The following RAD50 variants were observed in gnomAD, a reference collection of about 807,000 sequenced individuals.
RAD50 encodes the protein DNA repair protein RAD50.
RAD50 carries 132 observed loss-of-function variants against 168.8 expected under a neutral mutation model. The observed-to-expected ratio is 0.78, with a 90% CI of 0.68 to 0.90. RAD50 has a LOEUF of 0.90. Ranked by LOEUF, RAD50 falls within the 40% of genes least tolerant of loss-of-function variation. RAD50 has a pLI of 0.00. For synonymous variants in RAD50, 525 were observed against 497.4 expected, an observed-to-expected ratio of 1.06 and a Z score of -0.74; for missense variants, 1,347 against 1,534.4, an observed-to-expected ratio of 0.88 and a Z score of 2.04.
intron 5 of RAD50, among the ~76,000 whole-genome samples, chr5:132,583,475 T>C (rs960437172): frequency 2.6e-5 from 4 of 152,146 alleles, no homozygotes; most frequent in African/African-American, 7.2e-5. Flanking sequence ...ATCACTAAAA[T>C]GAAGATGTAG....
At chr5:132,578,380 A>G (rs1750437009) in intron 3 of RAD50, among the ~76,000 whole-genome samples, 1 of 152,052 alleles carries the variant, frequency 6.6e-6, no homozygotes, top group Non-Finnish European at 1.5e-5. Context: ...ATCTGTTTCC[A>G]TCTCTACAAC....
intron 21 of RAD50, chr5:132,630,599 C>T (rs1462161330): frequency 2.0e-5 from 3 of 152,184 alleles, no homozygotes; most frequent in African/African-American, 7.2e-5. Flanking sequence ...TGTTTCACAC[C>T]TAAACAAATG....
At chr5:132,607,926 T>A (rs1387059479) in intron 16 of RAD50, among the ~76,000 whole-genome samples, 1 of 152,202 alleles carries the variant, frequency 6.6e-6, no homozygotes, top group Non-Finnish European at 1.5e-5. Flanking sequence ...AGGACCTCTG[T>A]TTTGAACTGT....
In RAD50 at chr5:132,643,896, A is replaced by T. The variant is rs1561663019; in HGVS notation, c.*1532A>T. ...TATAATAAAACCGAAGGTGAAAAAAATTCTGAAAAAATTCTAGCAGCTATA... is the reference window on the plus strand; with the variant it reads ...TATAATAAAACCGAAGGTGAAAAAATTTCTGAAAAAATTCTAGCAGCTATA... On this transcript the variant is annotated 3_prime_UTR_variant, in exon 25 of 25. Coordinates refer to ENST00000378823, the MANE Select transcript of RAD50 (RefSeq NM_005732.4). 1 of 231,132 alleles carries T rather than the reference A, an allele frequency of 4.3e-6. No homozygotes were observed. Among genetic ancestry groups the T allele is most frequent in the Non-Finnish European group, 8.5e-6 (1 of 117,164 alleles). The allele number at this position is 231,132 out of a possible 1,614,324, so 14.3% of individuals were successfully genotyped here.
intron 21 of RAD50, among the ~76,000 whole-genome samples, chr5:132,622,319 C>T (rs956586610): frequency 3.3e-5 from 5 of 152,098 alleles, no homozygotes; most frequent in East Asian, 1.9e-4. Flanking sequence ...TGCCACCACT[C>T]GGCTAATTTT....
At chr5:132,628,643 C>T (rs992267863) in intron 21 of RAD50, among the ~76,000 whole-genome samples, 1 of 151,956 alleles carries the variant, frequency 6.6e-6, no homozygotes, top group East Asian at 1.9e-4. Flanking sequence ...GTCAGGAGTT[C>T]GAGACCAGCC....
intron 2 of RAD50, among the ~76,000 whole-genome samples, chr5:132,570,408 A>G (rs1237667489): frequency 6.6e-6 from 1 of 152,278 alleles, no homozygotes; most frequent in Admixed American, 6.5e-5. Context: ...GGTCTTGTCT[A>G]CATTGAAAAT....
At chr5:132,624,944 A>G (rs1751346539) in intron 21 of RAD50, among the ~76,000 whole-genome samples, 1 of 152,022 alleles carries the variant, frequency 6.6e-6, no homozygotes, top group Admixed American at 6.6e-5. Flanking sequence ...ATGGAAAAAT[A>G]AAAATGGATA....
intron 2 of RAD50, among the ~76,000 whole-genome samples, chr5:132,568,901 T>C (rs1258078370): frequency 6.6e-6 from 1 of 152,224 alleles, no homozygotes; most frequent in Admixed American, 6.5e-5. Flanking sequence ...TAAAAGCTGC[T>C]CTAGGTCCCC....
rs1751776036 is a variant in RAD50, at chr5:132,643,342, CAGCTG to C, written c.*980_*984del. On this transcript the variant is annotated 3_prime_UTR_variant, in exon 25 of 25. Coordinates refer to ENST00000378823, the MANE Select transcript of RAD50 (RefSeq NM_005732.4). ...TAATCACAGTTTTTCCTGGAATTGCCAGCTGACATCTTGAATCCTTCCATTCCACA... is the reference window on the plus strand; with the variant it reads ...TAATCACAGTTTTTCCTGGAATTGCCACATCTTGAATCCTTCCATTCCACA... The C allele has an allele frequency of 4.0e-6, 1 of 251,228 alleles. No individual in the cohort carries two copies. The highest frequency in any genetic ancestry group is 8.1e-6 in the Non-Finnish European group (1 of 123,552). 15.6% of individuals were successfully genotyped at this position (251,228 alleles called of 1,614,324 possible).
intron 2 of RAD50, among the ~76,000 whole-genome samples, chr5:132,563,612 A>T (rs1750158068): frequency 6.6e-6 from 1 of 152,168 alleles, no homozygotes; most frequent in Non-Finnish European, 1.5e-5. Context: ...CATCATGGTT[A>T]TGTATGTTTT....
chr5:132,603,801 A>G (rs1419219058), intron 14 of RAD50, 119 bp from the exon 15 acceptor site: 3 of 1,004,234 alleles, frequency 3.0e-6, no homozygotes, highest in African/African-American at 1.6e-5. Context: ...CTAAAATTGT[A>G]TCTAGAAATG....
At position 132,640,778 on chromosome 5, in the gene RAD50, T is replaced by G; in HGVS notation, c.3725T>G (p.Ile1242Ser). ...EPTTNLDREN[I>S]ESLAHALVEI... Reference sequence around the variant, plus strand: ...ACAACAAATCTTGACCGAGAAAACATTGAATCTCTTGCACATGCTCTGGTT... The same window carrying G: ...ACAACAAATCTTGACCGAGAAAACAGTGAATCTCTTGCACATGCTCTGGTT... Residue 1242 changes from isoleucine to serine, a missense_variant, in exon 24 of 25, where the codon ATT (isoleucine) becomes AGT (serine). Physicochemically the swap from Ile to Ser is moderately radical, Grantham distance 142. Transcript: ENST00000378823. 6.2e-7 allele frequency: 1 copy of G among 1,614,204 alleles called. No individual in the cohort carries two copies. The highest frequency in any genetic ancestry group is 8.5e-7 in the Non-Finnish European group (1 of 1,180,036).
rs762674380 is a variant in RAD50 at position 132,579,354 on chromosome 5, G to A, written c.403G>A (p.Glu135Lys). ...EKVSLSSKCA[E>K]IDREMISSLG... is the part of the protein sequence containing the mutation. ...GGTCAGTCTGAGCTCTAAGTGTGCA[G>A]AAATTGACCGAGAAATGATCAGTTC... Residue 135 changes from glutamate (E) to lysine (K), a missense_variant, in exon 4 of 25, where the codon GAA (glutamate) becomes AAA (lysine). Glu to Lys is a moderately conservative substitution (Grantham distance 56). Around this residue, in one of 3 missense-constraint regions of RAD50, gnomAD observed 703 missense variants for 767.7 expected, o/e 0.92. Coordinates refer to ENST00000378823, the MANE Select transcript of RAD50 (RefSeq NM_005732.4). The A allele has an allele frequency of 8.7e-6, 14 of 1,614,012 alleles. No individual in the cohort carries two copies. The highest frequency in any genetic ancestry group is 1.2e-5 in the Non-Finnish European group (14 of 1,179,934).
chr5:132,633,058 C>T (rs1304847015), intron 21 of RAD50, among the ~76,000 whole-genome samples: 1 of 151,090 alleles, frequency 6.6e-6, no homozygotes, highest in African/African-American at 2.4e-5. Context: ...AGTACCTATT[C>T]CCAGTTTATC....
chr5:132,583,465 A>G (rs1417979556), intron 5 of RAD50, among the ~76,000 whole-genome samples: 1 of 152,164 alleles, frequency 6.6e-6, no homozygotes, highest in Non-Finnish European at 1.5e-5. Flanking sequence ...TAGCATAACC[A>G]TCACTAAAAT....
At chr5:132,640,118 T>A (rs186669954) in intron 23 of RAD50, among the ~76,000 whole-genome samples, 28 of 152,298 alleles carry the variant, frequency 1.8e-4, no homozygotes, top group African/African-American at 6.7e-4. Flanking sequence ...TTTCTACAGG[T>A]AAGCTTAACT....
At chr5:132,590,058 A>G (rs1012884503) in intron 9 of RAD50, among the ~76,000 whole-genome samples, 1 of 152,214 alleles carries the variant, frequency 6.6e-6, no homozygotes, top group East Asian at 1.9e-4. Flanking sequence ...TTTTAAAGAT[A>G]CTGTACTCAG....
At chr5:132,573,594 T>C (rs1750344186) in intron 2 of RAD50, among the ~76,000 whole-genome samples, 1 of 152,168 alleles carries the variant, frequency 6.6e-6, no homozygotes, top group South Asian at 2.1e-4. Context: ...AAACCAATCA[T>C]GCCTTCCCAA....
Sources: allele counts gnomAD v4.1 joint callset (sites outside exome capture counted in the v4.1 genomes callset), GRCh38; gene constraint gnomAD v4.1.1; regional missense constraint gnomAD v4.1.1; transcripts MANE v1.5; gene names NCBI Gene and HGNC (gene_info 2026-07-23, HGNC 2026-07-21).